The following KDM3A variants were observed in gnomAD, a reference collection of about 807,000 sequenced individuals.
The protein encoded by KDM3A is lysine demethylase 3A, also known as lysine-specific demethylase 3A.
KDM3A carries 60 observed loss-of-function variants against 158.0 expected under a neutral mutation model. The ratio of observed to expected loss-of-function variants is 0.38; its 90% CI spans 0.31 to 0.47. KDM3A has a LOEUF of 0.47. KDM3A is among the 20% of genes least tolerant of loss of function. The pLI is 0.99. For missense variants in KDM3A, 1,319 were observed against 1,574.3 expected (o/e 0.84, Z 2.74); for synonymous variants, 608 against 549.3 (o/e 1.11, Z -1.49).
At chr2:86,491,325 A>C (rs1349025056) in intron 25 of KDM3A, 50 bp downstream of exon 25, 3 of 1,578,996 alleles carry the variant, frequency 1.9e-6, no homozygotes, top group Non-Finnish European at 2.6e-6. Context: ...CTATGGCTTC[A>C]TGGCCCATTC....
At chr2:86,485,128 A>G (rs1674119027) in intron 20 of KDM3A, 99 bp downstream of exon 20, 4 of 693,858 alleles carry the variant, frequency 5.8e-6, no homozygotes, top group Non-Finnish European at 1.0e-5. Context: ...GAAAATAACA[A>G]AAGTTCTGTA....
chr2:86,443,850 A>C (rs575342709), intron 2 of KDM3A, among the ~76,000 whole-genome samples: 2 of 152,342 alleles, frequency 1.3e-5, no homozygotes, highest in South Asian at 4.1e-4. Context: ...CTTTGGGCTT[A>C]TAACCTTTCT....
intron 23 of KDM3A, chr2:86,489,877 G>T (rs1674373965): frequency 6.7e-6 from 3 of 448,596 alleles, no homozygotes; most frequent in Non-Finnish European, 1.2e-5. Flanking sequence ...TGTCTTTTAT[G>T]TCTGTGTTTT....
At chr2:86,478,341 T>G in intron 14 of KDM3A, 76 bp downstream of exon 14, 2 of 1,078,600 alleles carry the variant, frequency 1.9e-6, no homozygotes, top group Non-Finnish European at 1.4e-6. Context: ...TTGTTTTCCT[T>G]TATTACTCGT....
At chr2:86,442,639 C>G (rs1315892680) in intron 2 of KDM3A, 1 of 157,540 alleles carries the variant, frequency 6.3e-6, no homozygotes, top group Non-Finnish European at 1.4e-5. Context: ...TTGTTTGTTC[C>G]TGTTAATTTA....
At chr2:86,480,506 T>A (rs1673869246) in intron 16 of KDM3A, 144 bp downstream of exon 16, 9 of 694,498 alleles carry the variant, frequency 1.3e-5, no homozygotes, top group Non-Finnish European at 2.0e-5. Flanking sequence ...TGAAAGTGTT[T>A]TTGAAATGCA....
At chr2:86,454,615 TAAA>T (rs1006514765) in intron 4 of KDM3A, among the ~76,000 whole-genome samples, 1 of 148,540 alleles carries the variant, frequency 6.7e-6, no homozygotes, top group Non-Finnish European at 1.5e-5. Flanking sequence ...TTATATAAAA[TAAA>T]AAAAAAACCC....
rs768053126 is a variant in KDM3A, at chr2:86,470,228, C to T, written c.1544C>T (p.Thr515Ile). 6.2e-7 allele frequency: 1 copy of T among 1,614,036 alleles called. No homozygotes were observed. Among genetic ancestry groups the T allele is most frequent in the Non-Finnish European group, 8.5e-7 (1 of 1,179,976 alleles). ...GCCCCATCCAGGAAGTCGGTTTTGA[C>T]AGACCCAGCTAAACTCAAAAAGCTG... ...QNAPSRKSVLTDPAKLKKLQQ... is the reference protein window; with the variant it reads ...QNAPSRKSVLIDPAKLKKLQQ... The change falls in exon 11 of 26, where the codon ACA (threonine) becomes ATA (isoleucine). Residue 515 changes from threonine (T) to isoleucine (I), a missense_variant. Around this residue, in one of 4 missense-constraint regions of KDM3A, gnomAD observed 652 missense variants for 627.2 expected, o/e 1.04. Coordinates refer to ENST00000312912, the MANE Select transcript of KDM3A (RefSeq NM_018433.6).
At chr2:86,453,079 T>TGAAC (rs1215413590) in intron 4 of KDM3A, among the ~76,000 whole-genome samples, 1 of 152,166 alleles carries the variant, frequency 6.6e-6, no homozygotes, top group Non-Finnish European at 1.5e-5. Context: ...TTTCCTGTAT[T>TGAAC]TAAGGTTTTC....
chr2:86,462,188 A>C (rs754027533), intron 8 of KDM3A, among the ~76,000 whole-genome samples: 28 of 150,028 alleles, frequency 1.9e-4, no homozygotes, highest in Non-Finnish European at 3.0e-4. Context: ...ACATATGGGA[A>C]ATTAGATGGA....
At chr2:86,454,760 A>G (rs1672614934) in intron 4 of KDM3A, among the ~76,000 whole-genome samples, 1 of 152,110 alleles carries the variant, frequency 6.6e-6, no homozygotes, top group African/African-American at 2.4e-5. Flanking sequence ...TTTTACTTGG[A>G]TTGACCAGCT....
At chr2:86,490,809 T>C in intron 23 of KDM3A, 72 bp from the exon 24 acceptor site, 1 of 1,195,546 alleles carries the variant, frequency 8.4e-7, no homozygotes, top group Non-Finnish European at 1.2e-6. Context: ...GCCAACACTG[T>C]TTAGAGGAAA....
At position 86,482,691 on chromosome 2, in the gene KDM3A, G is replaced by A; in HGVS notation, c.2919G>A (p.Gly973=). Residue 973 remains glycine (G), a synonymous_variant, in exon 18 of 26, where the codon GGG becomes GGA. Coordinates refer to ENST00000312912, the MANE Select transcript of KDM3A (RefSeq NM_018433.6). ...WNVFRECWKQ[G]QPVMVSGVHH... is the part of the protein sequence containing the mutation. Reference sequence around the variant, plus strand: ...TGTTTAGGGAGTGCTGGAAACAAGGGCAGGTAATGTAGGCCTCCCATCCTC... The same window carrying A: ...TGTTTAGGGAGTGCTGGAAACAAGGACAGGTAATGTAGGCCTCCCATCCTC... 1 of 1,613,634 alleles carries A rather than the reference G, an allele frequency of 6.2e-7. No individual in the cohort carries two copies. Among genetic ancestry groups the A allele is most frequent in the Non-Finnish European group, 8.5e-7 (1 of 1,179,956 alleles).
intron 2 of KDM3A, among the ~76,000 whole-genome samples, chr2:86,449,124 C>G (rs1234828296): frequency 6.6e-6 from 1 of 152,176 alleles, no homozygotes; most frequent in East Asian, 1.9e-4. Context: ...ATTACAATTA[C>G]TTGGAAAACA....
chr2:86,485,640 C>T, intron 20 of KDM3A, 89 bp from the exon 21 acceptor site: 3 of 1,487,990 alleles, frequency 2.0e-6, no homozygotes, highest in Non-Finnish European at 1.8e-6. Context: ...GGATTTGTTC[C>T]TTTTGGTGTA....
chr2:86,482,017 A>G lies in KDM3A; in HGVS notation c.2600A>G (p.His867Arg). Residue 867 changes from histidine to arginine, a missense_variant, in exon 17 of 26, where the codon CAT becomes CGT. Physicochemically the swap from His to Arg is conservative, Grantham distance 29. Around this residue, in one of 4 missense-constraint regions of KDM3A, gnomAD observed 368 missense variants for 415.8 expected, o/e 0.89. Transcript: ENST00000312912. ...TTAAGCAAATCCAGCACAGTCCTCC[A>G]TACGTTTAACAGCACAATTTTGACA... ...PPLSKSSTVLHTFNSTILTPV... is the reference protein window; with the variant it reads ...PPLSKSSTVLRTFNSTILTPV... 6.2e-7 allele frequency: 1 copy of G among 1,614,118 alleles called. No homozygotes were observed. The highest frequency in any genetic ancestry group is 8.5e-7 in the Non-Finnish European group (1 of 1,179,954).
chr2:86,449,784 AC>A, intron 2 of KDM3A, 22 bp from the exon 3 acceptor site: 2 of 1,574,916 alleles, frequency 1.3e-6, no homozygotes, highest in South Asian at 2.3e-5. Flanking sequence ...TGCTTCCCCC[AC>A]CCCCCAATTT....
intron 9 of KDM3A, among the ~76,000 whole-genome samples, chr2:86,464,558 G>C (rs1055112143): frequency 2.6e-5 from 4 of 152,190 alleles, no homozygotes; most frequent in Non-Finnish European, 4.4e-5. Flanking sequence ...AAGAAGCAGT[G>C]AGACATGGTT....
intron 1 of KDM3A, 63 bp from the exon 2 acceptor site, chr2:86,441,955 T>G: frequency 1.5e-5 from 17 of 1,155,244 alleles, no homozygotes; most frequent in East Asian, 5.6e-5. Context: ...CCCTCCCTGC[T>G]GTCTCCGCCC....
Sources: allele counts gnomAD v4.1 joint callset (sites outside exome capture counted in the v4.1 genomes callset), GRCh38; gene constraint gnomAD v4.1.1; regional missense constraint gnomAD v4.1.1; transcripts MANE v1.5; gene names NCBI Gene and HGNC (gene_info 2026-07-23, HGNC 2026-07-21).